C12orf56: variants seen among roughly 807,000 people sequenced by gnomAD.
C12orf56 encodes the protein uncharacterized protein C12orf56.
A neutral mutation model predicts 69.9 loss-of-function variants in C12orf56; 71 were observed. The observed-to-expected ratio is 1.02, with a 90% CI of 0.84 to 1.24. C12orf56 has a LOEUF of 1.24. C12orf56 is among the 50% of genes most tolerant of loss of function. C12orf56 has a pLI of 0.00. For missense variants in C12orf56, 732 were observed against 738.5 expected (o/e 0.99, Z 0.10); for synonymous variants, 276 against 274.1 (o/e 1.01, Z -0.07).
At chr12:64,286,256 G>C (rs970969392) in intron 6 of C12orf56, among the ~76,000 whole-genome samples, 196 bp from the exon 7 acceptor site, 1 of 152,174 alleles carries the variant, frequency 6.6e-6, no homozygotes, top group African/African-American at 2.4e-5. Context: ...CACTGTGCTG[G>C]TGACCAGAGC....
intron 1 of C12orf56, among the ~76,000 whole-genome samples, chr12:64,369,466 G>A (rs112482761): frequency 0.19 from 28,992 of 152,040 alleles, 3,566 homozygotes; most frequent in East Asian, 0.36. Context: ...CCAAAGTGCT[G>A]GGATTACAGG....
Position 64,265,812 on chromosome 12 carries a change from G to A in C12orf56, c.*1371C>T, listed in dbSNP as rs990143469. The A allele has an allele frequency of 1.5e-4, 23 of 152,290 alleles. No homozygotes were observed. The highest frequency in any genetic ancestry group is 4.8e-4 in the African/African-American group (20 of 41,564). 9.4% of individuals were successfully genotyped at this position (152,290 alleles called of 1,614,324 possible). On this transcript the variant is annotated 3_prime_UTR_variant, in exon 13 of 13. Coordinates refer to ENST00000543942, the MANE Select transcript of C12orf56 (RefSeq NM_001170633.2). ...TAGAAGTCCAAATTCAACACCTCAC[G>A]GTGATGCCAAAGTTAAGTATTTGTG...
chr12:64,356,669 A>G lies in C12orf56; in HGVS notation c.253-3613T>C, dbSNP rs548083648. Among the ~76,000 whole-genome samples the G allele has an allele frequency of 1.1e-3, 160 of 152,360 alleles. 3 individuals carry two copies. The highest frequency in any genetic ancestry group is 7.9e-3 in the South Asian group (38 of 4,830). On this transcript the variant is annotated intron_variant, in intron 1 of 12. Transcript: ENST00000543942. ...GACCAGGGGTGACTCAGGTCAAAGC[A>G]GGTGACCAGGGGAACAGATGTGAAC... is the stretch of plus-strand genomic sequence containing the variant.
chr12:64,330,354 T>C (rs2038913740), intron 3 of C12orf56, among the ~76,000 whole-genome samples: 1 of 152,208 alleles, frequency 6.6e-6, no homozygotes, highest in East Asian at 1.9e-4. Flanking sequence ...AACTAACACA[T>C]GTTCCATTTC....
chr12:64,354,052 T>G (rs886272514), intron 1 of C12orf56, among the ~76,000 whole-genome samples: 12 of 152,188 alleles, frequency 7.9e-5, no homozygotes, highest in African/African-American at 2.9e-4. Context: ...TACACTAAGA[T>G]TTTTCTATGC....
At chr12:64,384,546 G>C (rs543629107) in intron 1 of C12orf56, among the ~76,000 whole-genome samples, 1 of 152,176 alleles carries the variant, frequency 6.6e-6, no homozygotes, top group Non-Finnish European at 1.5e-5. Flanking sequence ...AGGCCAGGCT[G>C]TAAAAGGTGC....
rs2038724703 is a variant in C12orf56, at chr12:64,318,743, C to T, written c.726G>A (p.Lys242=). Residue 242 remains lysine (K), a synonymous_variant, in exon 4 of 13, where the codon AAG becomes AAA. Transcript: ENST00000543942. Reference sequence around the variant, plus strand: ...AAAACTCATTTCCATTCCCATTGCACTTGAAAGGAATTTCACTTATGGAGT... The same window carrying T: ...AAAACTCATTTCCATTCCCATTGCATTTGAAAGGAATTTCACTTATGGAGT... The part of the protein sequence containing the change: ...DHNSISEIPF[K]CNGNGNEFYL... 6.5e-7 allele frequency: 1 copy of T among 1,532,130 alleles called. No individual in the cohort carries two copies. The highest frequency in any genetic ancestry group is 1.4e-5 in the African/African-American group (1 of 70,706). 94.9% of individuals were successfully genotyped at this position (1,532,130 alleles called of 1,614,324 possible). A position where few individuals can be genotyped will look rare whatever the true frequency, so the allele number is the denominator to read the frequency against.
At chr12:64,286,974 T>A (rs891443125) in intron 6 of C12orf56, among the ~76,000 whole-genome samples, 1 of 152,084 alleles carries the variant, frequency 6.6e-6, no homozygotes, top group Non-Finnish European at 1.5e-5. Context: ...TGGTGGCTCA[T>A]GCCTGTCAGC....
At chr12:64,356,710 G>A (rs1464202294) in intron 1 of C12orf56, among the ~76,000 whole-genome samples, 1 of 152,170 alleles carries the variant, frequency 6.6e-6, no homozygotes, top group Non-Finnish European at 1.5e-5. Context: ...ATTAGAACAA[G>A]TGGGAAAGTT....
intron 1 of C12orf56, among the ~76,000 whole-genome samples, chr12:64,376,628 C>G (rs1468746872): frequency 6.7e-6 from 1 of 149,680 alleles, no homozygotes; most frequent in Admixed American, 6.7e-5. Context: ...CACCCTCTGA[C>G]AGGCCCCAGT....
At chr12:64,278,018 C>A (rs982553006) in intron 8 of C12orf56, among the ~76,000 whole-genome samples, 1 of 151,984 alleles carries the variant, frequency 6.6e-6, no homozygotes, top group South Asian at 2.1e-4. Context: ...TGGCTCAGAG[C>A]GAGTGTAGTT....
chr12:64,345,368 A>T (rs2135942981), intron 2 of C12orf56, among the ~76,000 whole-genome samples: 1 of 152,332 alleles, frequency 6.6e-6, no homozygotes, highest in East Asian at 1.9e-4. Flanking sequence ...AGCATGGATC[A>T]GGGATGGGAT....
chr12:64,338,772 T>C (rs878989790), intron 2 of C12orf56: 2 of 1,390,258 alleles, frequency 1.4e-6, no homozygotes. Context: ...TGCTTTTGCA[T>C]GTCAGCATTG....
chr12:64,350,283 T>C (rs967953070), intron 2 of C12orf56, among the ~76,000 whole-genome samples: 1 of 152,070 alleles, frequency 6.6e-6, no homozygotes. Flanking sequence ...CTAAAGAGCT[T>C]ACTCATGTAA....
At chr12:64,314,403 C>T (rs1035131671) in intron 4 of C12orf56, among the ~76,000 whole-genome samples, 2 of 152,068 alleles carry the variant, frequency 1.3e-5, no homozygotes, top group African/African-American at 4.8e-5. Flanking sequence ...AATATCAATT[C>T]TTTTAATGAT....
chr12:64,390,601 C>G lies in C12orf56; in HGVS notation c.-36G>C, dbSNP rs571208596. Reference sequence around the variant, plus strand: ...CGCAGCGTGGCGGAGTGCTGGGACTCGAGGCCCTCAGCTCGCCCTCTCCCC... The same window carrying G: ...CGCAGCGTGGCGGAGTGCTGGGACTGGAGGCCCTCAGCTCGCCCTCTCCCC... On this transcript the variant is annotated 5_prime_UTR_variant, in exon 1 of 13. Coordinates refer to ENST00000543942, the MANE Select transcript of C12orf56 (RefSeq NM_001170633.2). 1.4e-5 allele frequency: 20 copies of G among 1,471,990 alleles called. No individual in the cohort carries two copies. In the African/African-American group the frequency reaches 2.7e-4, roughly 20 times the overall value. The allele number at this position is 1,471,990 out of a possible 1,614,324, so 91.2% of individuals were successfully genotyped here.
intron 5 of C12orf56, 115 bp from the exon 6 acceptor site, chr12:64,303,894 T>C: frequency 1.6e-6 from 2 of 1,218,226 alleles, no homozygotes; most frequent in Non-Finnish European, 2.2e-6. Flanking sequence ...GATTTTAATA[T>C]AGTTTTATTC....
intron 3 of C12orf56, among the ~76,000 whole-genome samples, chr12:64,328,729 A>G (rs1290199598): frequency 6.4e-5 from 8 of 125,672 alleles, no homozygotes; most frequent in African/African-American, 2.3e-4. Flanking sequence ...ATATATATAT[A>G]TATATATAGT....
Position 64,370,652 on chromosome 12 carries a change from A to C in C12orf56, c.253-17596T>G, listed in dbSNP as rs998534736. ...GGCAACAGACTGTGTCTCAAAAAAA[A>C]AGAAAGATAAAAAGATGCTAATTGC... On this transcript the variant is annotated intron_variant, in intron 1 of 12. Coordinates refer to ENST00000543942, the MANE Select transcript of C12orf56 (RefSeq NM_001170633.2). 7.2e-5 allele frequency among the ~76,000 whole-genome samples: 11 copies of C among 152,328 alleles called. No homozygotes were observed. In the East Asian group the frequency reaches 1.5e-3, roughly 21 times the overall value.
Sources: gnomAD v4.1 joint callset for allele counts (sites outside exome capture counted in the v4.1 genomes callset) on GRCh38, gnomAD v4.1.1 for gene constraint, MANE v1.5 for transcripts, NCBI Gene and HGNC (gene_info 2026-07-23, HGNC 2026-07-21) for gene names.